The following RXFP3 variants were observed in gnomAD, a reference collection of about 807,000 sequenced individuals.
RXFP3 encodes relaxin-3 receptor 1.
Under a neutral mutation model 27.3 loss-of-function variants are expected in RXFP3, and 31 were observed. The ratio of observed to expected loss-of-function variants is 1.13; its 90% CI spans 0.85 to 1.53. RXFP3 has a LOEUF of 1.53. Among genes scored for constraint, RXFP3 ranks in the 40% most tolerant of loss-of-function variants. RXFP3 has a pLI of 0.00. For synonymous variants in RXFP3, 351 were observed against 293.6 expected, an observed-to-expected ratio of 1.20 and a Z score of -2.00; for missense variants, 684 against 642.1, an observed-to-expected ratio of 1.07 and a Z score of -0.70.
Position 33,936,696 on chromosome 5 carries a change from A to G in RXFP3, c.-45A>G. The stretch of plus-strand genomic sequence containing the variant: ...CAACAAAACTGGGGTAAACCGTGTT[A>G]TCTTAGGTCTTGTCCCCCAGAACAT... On this transcript the variant is annotated 5_prime_UTR_variant, in exon 1 of 1. Transcript: ENST00000330120. The G allele has an allele frequency of 1.3e-6, 2 of 1,490,126 alleles. No individual in the cohort carries two copies. The highest frequency in any genetic ancestry group is 1.4e-5 in the African/African-American group (1 of 71,396). The allele number at this position is 1,490,126 out of a possible 1,614,324, so 92.3% of individuals were successfully genotyped here. A position where few individuals can be genotyped will look rare whatever the true frequency, so the allele number is the denominator to read the frequency against.
In RXFP3 at chr5:33,936,944, CG is replaced by C; in HGVS notation, c.206del (p.Gly69AlafsTer37). The C allele has an allele frequency of 6.2e-7, 1 of 1,601,326 alleles. No homozygotes were observed. Among genetic ancestry groups the C allele is most frequent in the Non-Finnish European group, 8.5e-7 (1 of 1,170,268 alleles). On this transcript the variant is annotated frameshift_variant, in exon 1 of 1. Transcript: ENST00000330120. LOFTEE classifies it high-confidence loss of function. ...CGCCGCCAGGACATCCCCCGGGCAG[CG>C]GCGGGGCAGAGAGCGCGGACACAGA... is the stretch of plus-strand genomic sequence containing the variant. ...GAPPGHPPGS[G>X]GAESADTEAR...
rs1751732389 is a variant in RXFP3 at position 33,938,634 on chromosome 5, A to G, written c.*484A>G. Among the ~76,000 whole-genome samples, 1 of 152,254 alleles carries G rather than the reference A, an allele frequency of 6.6e-6. No homozygotes were observed. The highest frequency in any genetic ancestry group is 1.5e-5 in the Non-Finnish European group (1 of 68,044). ...GGCAAACGAGACTGCAGCAGCGCCA[A>G]GGTCCTACTTGCTGCGGGGCTGCCC... On this transcript the variant is annotated 3_prime_UTR_variant, in exon 1 of 1. Coordinates refer to ENST00000330120, the MANE Select transcript of RXFP3 (RefSeq NM_016568.3).
chr5:33,937,610 G>C lies in RXFP3; in HGVS notation c.870G>C (p.Leu290=). ...TCATTATCTTGTGCTACCTGCTGCT[G>C]GTGCGCTTCATCGCCGACCGCCGCG... ...LGIIILCYLL[L]VRFIADRRAA... Residue 290 remains leucine, a synonymous_variant, in exon 1 of 1, where the codon CTG becomes CTC. Coordinates refer to ENST00000330120, the MANE Select transcript of RXFP3 (RefSeq NM_016568.3). 1 of 1,579,506 alleles carries C rather than the reference G, an allele frequency of 6.3e-7. No individual in the cohort carries two copies. Among genetic ancestry groups the C allele is most frequent in the Non-Finnish European group, 8.6e-7 (1 of 1,162,956 alleles).
chr5:33,937,875 C>T lies in RXFP3; in HGVS notation c.1135C>T (p.His379Tyr). The change falls in exon 1 of 1, where the codon CAC (histidine) becomes TAC (tyrosine). Residue 379 changes from histidine (H) to tyrosine (Y), a missense_variant. Coordinates refer to ENST00000330120, the MANE Select transcript of RXFP3 (RefSeq NM_016568.3). Reference sequence around the variant, plus strand: ...GTTCCCTGTGAGCGTGTGCCTAGCGCACTCCAACAGCTGCCTCAACCCCGT... The same window carrying T: ...GTTCCCTGTGAGCGTGTGCCTAGCGTACTCCAACAGCTGCCTCAACCCCGT... ...YAFPVSVCLA[H>Y]SNSCLNPVLY... 2 of 1,614,050 alleles carry T rather than the reference C, an allele frequency of 1.2e-6. No individual in the cohort carries two copies. The highest frequency in any genetic ancestry group is 2.7e-5 in the African/African-American group (2 of 75,056).
chr5:33,936,914 C>A lies in RXFP3; in HGVS notation c.174C>A (p.Asp58Glu), dbSNP rs539921901. Residue 58 changes from aspartate to glutamate, a missense_variant, in exon 1 of 1, where the codon GAC becomes GAA. Physicochemically the swap from Asp to Glu is conservative, Grantham distance 45 (BLOSUM62 2). Coordinates refer to ENST00000330120, the MANE Select transcript of RXFP3 (RefSeq NM_016568.3). Reference sequence around the variant, plus strand: ...GGGAGCTGGGGCTGGAGTTGCCGGACGGCGCGCCGCCAGGACATCCCCCGG... The same window carrying A: ...GGGAGCTGGGGCTGGAGTTGCCGGAAGGCGCGCCGCCAGGACATCCCCCGG... ...LWWELGLELP[D>E]GAPPGHPPGS... is the part of the protein sequence containing the mutation. The A allele has an allele frequency of 1.3e-6, 2 of 1,599,994 alleles. No homozygotes were observed. The highest frequency in any genetic ancestry group is 2.2e-5 in the East Asian group (1 of 44,478).
At position 33,936,606 on chromosome 5, in the gene RXFP3, T is replaced by G; in HGVS notation, c.-135T>G. 1.2e-6 allele frequency: 1 copy of G among 826,722 alleles called. No homozygotes were observed. Among genetic ancestry groups the G allele is most frequent in the Non-Finnish European group, 1.8e-6 (1 of 564,720 alleles). 51.2% of individuals were successfully genotyped at this position (826,722 alleles called of 1,614,324 possible). ...GCGCCAGGACGCGCTTAGTACCCAG[T>G]TCCTGGGCTCTCTCTTCAGTAGCTG... On this transcript the variant is annotated 5_prime_UTR_variant, in exon 1 of 1. Transcript: ENST00000330120.
At position 33,938,214 on chromosome 5, in the gene RXFP3, T is replaced by A; in HGVS notation, c.*64T>A. The stretch of plus-strand genomic sequence containing the variant: ...TGGCCTTCCCCGGGCGGTAAAGAGG[T>A]GAAAGGATGAAGGAGGGCTGGGGGG... On this transcript the variant is annotated 3_prime_UTR_variant, in exon 1 of 1. Transcript: ENST00000330120. 6.9e-7 allele frequency: 1 copy of A among 1,440,942 alleles called. No individual in the cohort carries two copies. Among genetic ancestry groups the A allele is most frequent in the Non-Finnish European group, 9.3e-7 (1 of 1,073,068 alleles). 89.3% of individuals were successfully genotyped at this position (1,440,942 alleles called of 1,614,324 possible).
Position 33,936,436 on chromosome 5 carries a change from G to A in RXFP3, c.-305G>A, listed in dbSNP as rs1406952729. On this transcript the variant is annotated 5_prime_UTR_variant, in exon 1 of 1. Transcript: ENST00000330120. ...TGACCGCGGGACACGGAGAGGGGAA[G>A]TCTGCGTTGTACATAAGGACCTAGG... is the stretch of plus-strand genomic sequence containing the variant. 1 of 355,432 alleles carries A rather than the reference G, an allele frequency of 2.8e-6. No individual in the cohort carries two copies. Among genetic ancestry groups the A allele is most frequent in the African/African-American group, 2.1e-5 (1 of 47,890 alleles). The allele number at this position is 355,432 out of a possible 1,614,324, so 22.0% of individuals were successfully genotyped here.
At position 33,936,607 on chromosome 5, in the gene RXFP3, T is replaced by A; in HGVS notation, c.-134T>A. On this transcript the variant is annotated 5_prime_UTR_variant, in exon 1 of 1. Transcript: ENST00000330120. Reference sequence around the variant, plus strand: ...CGCCAGGACGCGCTTAGTACCCAGTTCCTGGGCTCTCTCTTCAGTAGCTGC... The same window carrying A: ...CGCCAGGACGCGCTTAGTACCCAGTACCTGGGCTCTCTCTTCAGTAGCTGC... 1 of 832,598 alleles carries A rather than the reference T, an allele frequency of 1.2e-6. No individual in the cohort carries two copies. The highest frequency in any genetic ancestry group is 1.8e-6 in the Non-Finnish European group (1 of 569,568). 51.6% of individuals were successfully genotyped at this position (832,598 alleles called of 1,614,324 possible). A position where few individuals can be genotyped will look rare whatever the true frequency, so the allele number is the denominator to read the frequency against.
chr5:33,937,420 T>G lies in RXFP3; in HGVS notation c.680T>G (p.Leu227Arg). The G allele has an allele frequency of 6.2e-7, 1 of 1,611,708 alleles. No individual in the cohort carries two copies. The highest frequency in any genetic ancestry group is 8.5e-7 in the Non-Finnish European group (1 of 1,179,192). ...LCVWIWALAALASLPSAIFST... is the reference protein window; with the variant it reads ...LCVWIWALAARASLPSAIFST... The stretch of plus-strand genomic sequence containing the variant: ...GTGTGGATCTGGGCTTTGGCCGCGC[T>G]GGCCTCGCTGCCCAGTGCCATTTTC... Residue 227 changes from leucine (L) to arginine (R), a missense_variant, in exon 1 of 1, where the codon CTG (leucine) becomes CGG (arginine). Physicochemically the swap from Leu to Arg is moderately radical, Grantham distance 102. Coordinates refer to ENST00000330120, the MANE Select transcript of RXFP3 (RefSeq NM_016568.3).
In RXFP3 at chr5:33,937,893, A is replaced by C. The variant is rs1187481866; in HGVS notation, c.1153A>C (p.Asn385His). 6.2e-7 allele frequency: 1 copy of C among 1,613,938 alleles called. No homozygotes were observed. ...VCLAHSNSCL[N>H]PVLYCLVRRE... ...CCTAGCGCACTCCAACAGCTGCCTC[A>C]ACCCCGTCCTCTACTGCCTCGTGCG... The change falls in exon 1 of 1, where the codon AAC (asparagine) becomes CAC (histidine). Residue 385 changes from asparagine to histidine, a missense_variant. Transcript: ENST00000330120.
chr5:33,936,770 C>A lies in RXFP3; in HGVS notation c.30C>A (p.Ala10=). 1 of 1,526,080 alleles carries A rather than the reference C, an allele frequency of 6.6e-7. No individual in the cohort carries two copies. The highest frequency in any genetic ancestry group is 8.8e-7 in the Non-Finnish European group (1 of 1,134,578). The allele number at this position is 1,526,080 out of a possible 1,614,324, so 94.5% of individuals were successfully genotyped here. A position where few individuals can be genotyped will look rare whatever the true frequency, so the allele number is the denominator to read the frequency against. Residue 10 remains alanine, a synonymous_variant, in exon 1 of 1, where the codon GCC becomes GCA. Coordinates refer to ENST00000330120, the MANE Select transcript of RXFP3 (RefSeq NM_016568.3). MQMADAATI[A]TMNKAAGGDK... ...AGATGGCCGATGCAGCCACGATAGC[C>A]ACCATGAATAAGGCAGCAGGCGGGG...
At position 33,937,496 on chromosome 5, in the gene RXFP3, G is replaced by T. The variant is rs956279732; in HGVS notation, c.756G>T (p.Pro252=). 7.5e-6 allele frequency: 12 copies of T among 1,597,906 alleles called. No homozygotes were observed. The Middle Eastern group carries it at 8.4e-4, about 112-fold the overall frequency. Residue 252 remains proline (P), a synonymous_variant, in exon 1 of 1, where the codon CCG becomes CCT. Transcript: ENST00000330120. ...AGGAGCTGTGCCTGGTGCGTTTCCC[G>T]GACAAGTTGCTGGGCCGCGACAGGC... The part of the protein sequence containing the change: ...MGEELCLVRF[P]DKLLGRDRQF...
chr5:33,936,483 AC>A lies in RXFP3; in HGVS notation c.-255del. ...TAGGGACTCCGAGCTTGGCCTGAGAACCCTTGGACGCCGAGTGCTTGCCTTA... is the reference window on the plus strand; with the variant it reads ...TAGGGACTCCGAGCTTGGCCTGAGAACCTTGGACGCCGAGTGCTTGCCTTA... On this transcript the variant is annotated 5_prime_UTR_variant, in exon 1 of 1. Coordinates refer to ENST00000330120, the MANE Select transcript of RXFP3 (RefSeq NM_016568.3). 2.5e-6 allele frequency: 1 copy of A among 404,184 alleles called. No individual in the cohort carries two copies. Among genetic ancestry groups the A allele is most frequent in the Non-Finnish European group, 4.4e-6 (1 of 228,246 alleles). 25.0% of individuals were successfully genotyped at this position (404,184 alleles called of 1,614,324 possible).
chr5:33,936,865 C>G lies in RXFP3; in HGVS notation c.125C>G (p.Ser42Trp). 6.3e-7 allele frequency: 1 copy of G among 1,599,184 alleles called. No homozygotes were observed. Among genetic ancestry groups the G allele is most frequent in the South Asian group, 1.1e-5 (1 of 89,694 alleles). The change falls in exon 1 of 1, where the codon TCG becomes TGG. Residue 42 changes from serine to tryptophan, a missense_variant. Coordinates refer to ENST00000330120, the MANE Select transcript of RXFP3 (RefSeq NM_016568.3). ...GCGGCCAACACGAGTGGTAACGCGT[C>G]GCTGCAGCTTCCGGACTTGTGGTGG... is the stretch of plus-strand genomic sequence containing the variant. ...LEAANTSGNA[S>W]LQLPDLWWEL...
In RXFP3 at chr5:33,936,685, T is replaced by C. The variant is rs2111880011; in HGVS notation, c.-56T>C. 2.7e-6 allele frequency: 4 copies of C among 1,456,856 alleles called. 1 individual carries two copies. In the South Asian group the frequency reaches 4.7e-5, roughly 17 times the overall value. The allele number at this position is 1,456,856 out of a possible 1,614,324, so 90.2% of individuals were successfully genotyped here. On this transcript the variant is annotated 5_prime_UTR_variant, in exon 1 of 1. Transcript: ENST00000330120. Reference sequence around the variant, plus strand: ...GGCTAGCCTGGCAACAAAACTGGGGTAAACCGTGTTATCTTAGGTCTTGTC... The same window carrying C: ...GGCTAGCCTGGCAACAAAACTGGGGCAAACCGTGTTATCTTAGGTCTTGTC...
Position 33,936,922 on chromosome 5 carries a change from C to T in RXFP3, c.182C>T (p.Pro61Leu). 2 of 1,600,554 alleles carry T rather than the reference C, an allele frequency of 1.2e-6. No homozygotes were observed. Among genetic ancestry groups the T allele is most frequent in the Non-Finnish European group, 1.7e-6 (2 of 1,169,824 alleles). Residue 61 changes from proline (P) to leucine (L), a missense_variant, in exon 1 of 1, where the codon CCG (proline) becomes CTG (leucine). By Grantham distance (98) the Pro-to-Leu change is moderately conservative (BLOSUM62 -3). Transcript: ENST00000330120. ...GGGCTGGAGTTGCCGGACGGCGCGC[C>T]GCCAGGACATCCCCCGGGCAGCGGC... ...ELGLELPDGA[P>L]PGHPPGSGGA...
In RXFP3 at chr5:33,937,359, G is replaced by T; in HGVS notation, c.619G>T (p.Gly207Trp). The change falls in exon 1 of 1, where the codon GGG becomes TGG. Residue 207 changes from glycine to tryptophan, a missense_variant. By Grantham distance (184) the Gly-to-Trp change is radical. Transcript: ENST00000330120. ...GRGDCCGRSL[G>W]DSCCFSAKAL... ...GGGCGACTGCTGCGGCCGGAGCCTG[G>T]GGGACAGCTGCTGCTTCTCGGCCAA... 6.2e-7 allele frequency: 1 copy of T among 1,612,900 alleles called. No homozygotes were observed. The highest frequency in any genetic ancestry group is 2.2e-5 in the East Asian group (1 of 44,884).
rs150737113 is a variant in RXFP3 at position 33,937,146 on chromosome 5, C to A, written c.406C>A (p.Pro136Thr). 2.1e-4 allele frequency: 331 copies of A among 1,613,114 alleles called. No homozygotes were observed. The highest frequency in any genetic ancestry group is 2.7e-4 in the Non-Finnish European group (320 of 1,179,134). ...LTDFQFVLTL[P>T]FWAVENALDF... ...GGACTTTCAGTTTGTGCTCACCCTGCCCTTCTGGGCGGTGGAGAACGCTCT... is the reference window on the plus strand; with the variant it reads ...GGACTTTCAGTTTGTGCTCACCCTGACCTTCTGGGCGGTGGAGAACGCTCT... The change falls in exon 1 of 1, where the codon CCC (proline) becomes ACC (threonine). Residue 136 changes from proline to threonine, a missense_variant. By Grantham distance (38) the Pro-to-Thr change is conservative. Transcript: ENST00000330120.
Sources: gnomAD v4.1 joint callset for allele counts (sites outside exome capture counted in the v4.1 genomes callset) on GRCh38, gnomAD v4.1.1 for gene constraint, MANE v1.5 for transcripts, NCBI Gene and HGNC (gene_info 2026-07-23, HGNC 2026-07-21) for gene names.